Variants in ENAH observed in about 807,000 individuals in gnomAD.
The protein encoded by ENAH is protein enabled homolog.
Under a neutral mutation model 78.7 loss-of-function variants are expected in ENAH, and 23 were observed. The observed-to-expected ratio is 0.29, with a 90% confidence interval of 0.21 to 0.41. The LOEUF is 0.41. ENAH is among the 10% of genes least tolerant of loss of function. The probability of loss-of-function intolerance (pLI) is 1.00; values close to 1 mark genes in which losing one functional copy is unlikely to be tolerated. For missense variants in ENAH, 544 were observed against 691.0 expected (o/e 0.79, Z 2.39); for synonymous variants, 226 against 241.0 (o/e 0.94, Z 0.58).
At chr1:225,598,401 CAGAA>C (rs1490367482) in intron 1 of ENAH, among the ~76,000 whole-genome samples, 1 of 151,638 alleles carries the variant, frequency 6.6e-6, no homozygotes, top group African/African-American at 2.4e-5. Flanking sequence ...AAGGAAAAGA[CAGAA>C]AGTATATCGA....
At chr1:225,511,931 C>A in intron 9 of ENAH, 72 bp from the exon 10 acceptor site, 1 of 966,642 alleles carries the variant, frequency 1.0e-6, no homozygotes, top group South Asian at 1.6e-5. Flanking sequence ...GTGTTTTACA[C>A]GAACACTTCT....
upstream of ENAH, chr1:225,653,282 G>C (rs1250119438): frequency 1.3e-5 from 2 of 151,278 alleles, no homozygotes; most frequent in Non-Finnish European, 3.0e-5. This position sits in a 1 kb window ranked among gnomAD's most constrained non-coding sequence, Gnocchi z 4.3. Context: ...CGCGCCGGCG[G>C]CCGGGCCCCC....
intron 4 of ENAH, among the ~76,000 whole-genome samples, chr1:225,526,979 T>C (rs1380310857): frequency 1.3e-5 from 2 of 152,014 alleles, no homozygotes; most frequent in African/African-American, 4.8e-5. Flanking sequence ...CAAGGACGAG[T>C]GTCAACATCT....
At chr1:225,612,730 C>G (rs1383771608) in intron 1 of ENAH, among the ~76,000 whole-genome samples, 2 of 152,098 alleles carry the variant, frequency 1.3e-5, no homozygotes, top group East Asian at 3.8e-4. Flanking sequence ...GCAATAAATA[C>G]TAAATAATTC....
At chr1:225,585,756 T>G (rs2096842978) in intron 1 of ENAH, among the ~76,000 whole-genome samples, 1 of 151,876 alleles carries the variant, frequency 6.6e-6, no homozygotes, top group African/African-American at 2.4e-5. Flanking sequence ...ACCACTGCAC[T>G]CCAGCCTAGG....
intron 4 of ENAH, among the ~76,000 whole-genome samples, chr1:225,525,130 T>C (rs942022490): frequency 3.3e-5 from 5 of 152,220 alleles, no homozygotes; most frequent in Non-Finnish European, 7.4e-5. Context: ...CACATGTTTC[T>C]AAATACAGTA....
upstream of ENAH, among the ~76,000 whole-genome samples, chr1:225,653,349 A>C (rs1310310421): frequency 6.6e-6 from 1 of 151,216 alleles, no homozygotes; most frequent in Non-Finnish European, 1.5e-5. This position sits in a 1 kb window ranked among gnomAD's most constrained non-coding sequence, Gnocchi z 4.3. Context: ...GCGGCGGCGG[A>C]GAGAGGCTCT....
intron 4 of ENAH, among the ~76,000 whole-genome samples, chr1:225,528,214 C>T (rs751797772): frequency 2.0e-5 from 3 of 151,980 alleles, no homozygotes; most frequent in African/African-American, 4.8e-5. Flanking sequence ...AAAATAAACA[C>T]GTAGGAAGAA....
At chr1:225,523,490 T>C (rs1224719844) in intron 4 of ENAH, among the ~76,000 whole-genome samples, 1 of 152,086 alleles carries the variant, frequency 6.6e-6, no homozygotes, top group Non-Finnish European at 1.5e-5. Flanking sequence ...CTGGAGAATA[T>C]TTCTAAGTTC....
At chr1:225,501,137 T>G (rs2096280072) in intron 11 of ENAH, 67 bp from the exon 12 acceptor site, 3 of 1,247,876 alleles carry the variant, frequency 2.4e-6, no homozygotes, top group Non-Finnish European at 3.4e-6. Flanking sequence ...CATAAATAAT[T>G]GCAAATTTAC....
At chr1:225,629,615 G>GA (rs558606884) in intron 1 of ENAH, among the ~76,000 whole-genome samples, 15 of 151,648 alleles carry the variant, frequency 9.9e-5, no homozygotes, top group South Asian at 4.2e-4. Context: ...AGAAGGTGGG[G>GA]AAAAAAAATC....
At chr1:225,583,772 C>T (rs1257824274) in intron 1 of ENAH, among the ~76,000 whole-genome samples, 4 of 149,710 alleles carry the variant, frequency 2.7e-5, no homozygotes, top group African/African-American at 7.4e-5. Context: ...TGCACCACTG[C>T]ACTCCAGCCT....
chr1:225,552,999 C>G (rs1209912739), intron 3 of ENAH, among the ~76,000 whole-genome samples: 1 of 152,022 alleles, frequency 6.6e-6, no homozygotes, highest in Admixed American at 6.6e-5. Flanking sequence ...TTTGGGAGGC[C>G]GAGGTGGGCA....
At chr1:225,551,803 C>T (rs560193672) in intron 3 of ENAH, among the ~76,000 whole-genome samples, 1 of 152,190 alleles carries the variant, frequency 6.6e-6, no homozygotes, top group South Asian at 2.1e-4. Context: ...ACAGGCAAGA[C>T]TAATATTTGT....
At chr1:225,515,451 T>G (rs569700268) in intron 6 of ENAH, 15 of 152,476 alleles carry the variant, frequency 9.8e-5, no homozygotes, top group African/African-American at 3.4e-4. Flanking sequence ...ATTCAATGGA[T>G]AGCCAAGGCT....
chr1:225,534,964 C>T (rs1450861735), intron 3 of ENAH, among the ~76,000 whole-genome samples: 1 of 151,912 alleles, frequency 6.6e-6, no homozygotes, highest in Non-Finnish European at 1.5e-5. Flanking sequence ...ACTCAATAAG[C>T]CTAAATTCAC....
chr1:225,499,817 T>A (rs1575293737), intron 12 of ENAH, among the ~76,000 whole-genome samples: 1 of 152,236 alleles, frequency 6.6e-6, no homozygotes, highest in Non-Finnish European at 1.5e-5. Context: ...TAACACTGAA[T>A]ACCCCAGGAA....
At chr1:225,606,689 A>T (rs2096957173) in intron 1 of ENAH, among the ~76,000 whole-genome samples, 1 of 151,626 alleles carries the variant, frequency 6.6e-6, no homozygotes, top group East Asian at 2.0e-4. Flanking sequence ...CTAAAAATGC[A>T]GAAACTAGCT....
intron 1 of ENAH, among the ~76,000 whole-genome samples, chr1:225,638,471 TTAATG>T (rs1472536811): frequency 6.6e-6 from 1 of 152,210 alleles, no homozygotes; most frequent in East Asian, 1.9e-4. Flanking sequence ...CTCTTGAAAA[TTAATG>T]TCTCCTCCCC....
Sources: gnomAD v4.1 joint callset for allele counts (sites outside exome capture counted in the v4.1 genomes callset) on GRCh38, gnomAD v4.1.1 for gene constraint, Gnocchi (gnomAD v3.1) non-coding constraint, MANE v1.5 for transcripts, NCBI Gene and HGNC (gene_info 2026-07-23, HGNC 2026-07-21) for gene names.